Variants in UNKL observed in about 807,000 individuals in gnomAD.
UNKL encodes the protein unk like zinc finger.
Under a neutral mutation model 78.0 loss-of-function variants are expected in UNKL, and 60 were observed. The observed-to-expected ratio is 0.77, with a 90% CI of 0.63 to 0.95. The LOEUF is 0.95. Ranked by LOEUF, UNKL falls within the 40% of genes least tolerant of loss-of-function variation. UNKL has a pLI of 0.00. For synonymous variants in UNKL, 608 were observed against 474.8 expected (o/e 1.28, Z -3.65); for missense variants, 1,159 against 1,045.7 (o/e 1.11, Z -1.49).
At chr16:1,379,591 C>T in intron 10 of UNKL, 1 of 985,296 alleles carries the variant, frequency 1.0e-6, no homozygotes, top group Non-Finnish European at 1.2e-6. Flanking sequence ...ACGAGACCCG[C>T]ACCTTGGCGG....
At chr16:1,380,061 G>T (rs1285613697) in intron 10 of UNKL, among the ~76,000 whole-genome samples, 3 of 152,222 alleles carry the variant, frequency 2.0e-5, no homozygotes, top group Non-Finnish European at 1.5e-5. Flanking sequence ...TCCCAAGTCC[G>T]CGTGCCTGCC....
At chr16:1,379,460 C>G in intron 10 of UNKL, 1 of 984,128 alleles carries the variant, frequency 1.0e-6, no homozygotes, top group Non-Finnish European at 1.2e-6. Flanking sequence ...GCCTTCGCCT[C>G]GCTCCGGGCC....
intron 10 of UNKL, among the ~76,000 whole-genome samples, chr16:1,376,471 G>C (rs2036235789): frequency 6.7e-6 from 1 of 149,708 alleles, no homozygotes; most frequent in African/African-American, 2.5e-5. Flanking sequence ...CCTCCCTCCA[G>C]GGCTGGGGTG....
chr16:1,376,163 C>A (rs535384833), intron 10 of UNKL, among the ~76,000 whole-genome samples: 89 of 145,748 alleles, frequency 6.1e-4, no homozygotes, highest in Non-Finnish European at 4.1e-4. Flanking sequence ...GCTCCTCCTC[C>A]CTCAGTCCAA....
In UNKL at chr16:1,364,451, C is replaced by G. The variant is rs2035071307; in HGVS notation, c.*1789G>C. The G allele has an allele frequency of 6.6e-6, 1 of 152,266 alleles. No homozygotes were observed. Among genetic ancestry groups the G allele is most frequent in the Non-Finnish European group, 1.5e-5 (1 of 68,048 alleles). 9.4% of individuals were successfully genotyped at this position (152,266 alleles called of 1,614,324 possible). A position where few individuals can be genotyped will look rare whatever the true frequency, so the allele number is the denominator to read the frequency against. On this transcript the variant is annotated 3_prime_UTR_variant, in exon 15 of 15. Transcript: ENST00000389221. Reference sequence around the variant, plus strand: ...AGAAACACGTCGGTGCCGCTTCCCACTCGTGTGCCCTCACCACCCACGTGG... The same window carrying G: ...AGAAACACGTCGGTGCCGCTTCCCAGTCGTGTGCCCTCACCACCCACGTGG...
At chr16:1,405,987 C>T (rs1274811094) in intron 2 of UNKL, 1 of 456,646 alleles carries the variant, frequency 2.2e-6, no homozygotes, top group Non-Finnish European at 4.4e-6. Context: ...ACCTAGGAGG[C>T]CCGTGGCCCA....
chr16:1,404,449 G>A (rs1027863944), intron 2 of UNKL, among the ~76,000 whole-genome samples: 5 of 152,194 alleles, frequency 3.3e-5, no homozygotes, highest in Non-Finnish European at 7.3e-5. Flanking sequence ...CAGAGAGGCC[G>A]ACCCAGGCTC....
chr16:1,364,107 A>G lies in UNKL; in HGVS notation c.*2133T>C, dbSNP rs749097238. On this transcript the variant is annotated 3_prime_UTR_variant, in exon 15 of 15. Transcript: ENST00000389221. The stretch of plus-strand genomic sequence containing the variant: ...AAATACAAATAAAAACAGAGTTTAC[A>G]CATCGATGACAGTAGCACAAAATAT... 6.6e-6 allele frequency: 1 copy of G among 152,260 alleles called. No individual in the cohort carries two copies. The highest frequency in any genetic ancestry group is 1.5e-5 in the Non-Finnish European group (1 of 68,050). The allele number at this position is 152,260 out of a possible 1,614,324, so 9.4% of individuals were successfully genotyped here.
chr16:1,394,647 C>T (rs994045777), intron 6 of UNKL, among the ~76,000 whole-genome samples: 7 of 152,210 alleles, frequency 4.6e-5, no homozygotes, highest in Admixed American at 6.5e-5. Context: ...ACTTAAGACC[C>T]GGCAAGGGAC....
rs1409496980 is a variant in UNKL at position 1,395,386 on chromosome 16, G to A, written c.853-1171C>T. On this transcript the variant is annotated intron_variant, in intron 6 of 14. Coordinates refer to ENST00000389221, the MANE Select transcript of UNKL (RefSeq NM_001372107.1). The stretch of plus-strand genomic sequence containing the variant: ...TCACCATGTTGGCCAGGCTGGTCTC[G>A]AACTCCTGACCTCAGGTGATCTGCC... Among the ~76,000 whole-genome samples, 7 of 152,036 alleles carry A rather than the reference G, an allele frequency of 4.6e-5. No individual in the cohort carries two copies. In the East Asian group the frequency reaches 7.8e-4, roughly 17 times the overall value.
chr16:1,391,257 C>CACACACACAA (rs1555457657), intron 8 of UNKL, among the ~76,000 whole-genome samples: 40 of 148,664 alleles, frequency 2.7e-4, no homozygotes, highest in African/African-American at 5.9e-4. Context: ...CACACACACA[C>CACACACACAA]ACACACACAC....
chr16:1,394,936 C>T (rs530647215), intron 6 of UNKL, among the ~76,000 whole-genome samples: 3 of 151,614 alleles, frequency 2.0e-5, no homozygotes, highest in African/African-American at 4.8e-5. Flanking sequence ...GGAGTGCAGT[C>T]GCAAGATCTC....
rs200129373 is a variant in UNKL at position 1,403,363 on chromosome 16, C to A, written c.288-19G>T. ...GGGACACCTGGGGAGCAGAGAGGCA[C>A]GCAATGCCTGGTTATCATGGACCCA... On this transcript the variant is annotated intron_variant, in intron 2 of 14. Transcript: ENST00000389221. This position sits in a 1 kb window ranked among gnomAD's most constrained non-coding sequence, Gnocchi z 4.8. 98 of 1,611,474 alleles carry A rather than the reference C, an allele frequency of 6.1e-5. No homozygotes were observed. The highest frequency in any genetic ancestry group is 8.1e-5 in the Non-Finnish European group (95 of 1,178,704).
chr16:1,398,452 G>T, intron 5 of UNKL: 1 of 1,133,090 alleles, frequency 8.8e-7, no homozygotes, highest in Non-Finnish European at 1.1e-6. Flanking sequence ...AGCCGTTCAG[G>T]TCCTTTACTC....
rs748575557 is a variant in UNKL, at chr16:1,367,094, C to T, written c.2044G>A (p.Gly682Ser). The T allele has an allele frequency of 5.7e-5, 88 of 1,556,956 alleles. 2 individuals are homozygous for T. Among genetic ancestry groups the T allele is most frequent in the South Asian group, 4.4e-4 (37 of 83,560 alleles). ...QLRLDLEAVD[G>S]VIFQLRAKQC... Reference sequence around the variant, plus strand: ...ACCCTGCCCAGAGCAGGACTCACGCCGTCCACCGCCTCCAGGTCCAGGCGC... The same window carrying T: ...ACCCTGCCCAGAGCAGGACTCACGCTGTCCACCGCCTCCAGGTCCAGGCGC... The change falls in exon 14 of 15, where the codon GGC (glycine) becomes AGC (serine). Residue 682 changes from glycine to serine, a missense_variant and splice_region_variant. Coordinates refer to ENST00000389221, the MANE Select transcript of UNKL (RefSeq NM_001372107.1).
chr16:1,371,638 C>T (rs1247480690), intron 10 of UNKL, 27 bp from the exon 11 acceptor site: 3 of 1,533,724 alleles, frequency 2.0e-6, no homozygotes, highest in Non-Finnish European at 2.6e-6. Context: ...CCATCATCCA[C>T]AGCCCACCCA....
rs766760073 is a variant in UNKL at position 1,414,671 on chromosome 16, C to A, written c.21G>T (p.Ala7=). 1.4e-5 allele frequency: 16 copies of A among 1,153,406 alleles called. No individual in the cohort carries two copies. Among genetic ancestry groups the A allele is most frequent in the African/African-American group, 1.3e-4 (8 of 59,682 alleles). 71.4% of individuals were successfully genotyped at this position (1,153,406 alleles called of 1,614,324 possible). A position where few individuals can be genotyped will look rare whatever the true frequency, so the allele number is the denominator to read the frequency against. The part of the protein sequence containing the change: MPSVSK[A]AAAALSGSPP... Reference sequence around the variant, plus strand: ...GGGACCCGCTCAGCGCCGCTGCCGCCGCTTTCGAAACCGACGGCATTTTCA... The same window carrying A: ...GGGACCCGCTCAGCGCCGCTGCCGCAGCTTTCGAAACCGACGGCATTTTCA... The change falls in exon 1 of 15, where the codon GCG becomes GCT. Residue 7 remains alanine (A), a synonymous_variant. Transcript: ENST00000389221.
At position 1,387,853 on chromosome 16, in the gene UNKL, C is replaced by G. The variant is rs554950501; in HGVS notation, c.1087-2468G>C. Among the ~76,000 whole-genome samples, 225 of 150,956 alleles carry G rather than the reference C, an allele frequency of 1.5e-3. 1 individual carries two copies. Among genetic ancestry groups the G allele is most frequent in the Non-Finnish European group, 2.8e-3 (189 of 67,658 alleles). ...AGCCCACCCTGTGTCCCGGGGTCTGCCCAGGTCCGTGCTCTGGGGCACGGT... is the reference window on the plus strand; with the variant it reads ...AGCCCACCCTGTGTCCCGGGGTCTGGCCAGGTCCGTGCTCTGGGGCACGGT... On this transcript the variant is annotated intron_variant, in intron 9 of 14. Transcript: ENST00000389221. This position sits in a 1 kb window ranked among gnomAD's most constrained non-coding sequence, Gnocchi z 4.1.
chr16:1,375,669 C>T (rs1014950944), intron 10 of UNKL, among the ~76,000 whole-genome samples: 5 of 152,174 alleles, frequency 3.3e-5, no homozygotes, highest in African/African-American at 4.8e-5. Context: ...GGTTGGGGGT[C>T]GGGGCAGCCA....
Sources: gnomAD v4.1 joint callset for allele counts (sites outside exome capture counted in the v4.1 genomes callset) on GRCh38, gnomAD v4.1.1 for gene constraint, Gnocchi (gnomAD v3.1) non-coding constraint, MANE v1.5 for transcripts, NCBI Gene and HGNC (gene_info 2026-07-23, HGNC 2026-07-21) for gene names.